ADAMTSL1: variants seen among roughly 807,000 people sequenced by gnomAD.
The protein encoded by ADAMTSL1 is ADAMTS-like protein 1.
In ADAMTSL1, 126 loss-of-function variants were observed where a neutral mutation model predicts 201.8. The observed-to-expected ratio is 0.62, with a 90% CI of 0.54 to 0.72. ADAMTSL1 has a LOEUF of 0.72. ADAMTSL1 is among the 30% of genes least tolerant of loss of function. The pLI is 0.00. For synonymous variants in ADAMTSL1, 1,121 were observed against 903.4 expected (o/e 1.24, Z -4.32); for missense variants, 2,679 against 2,277.8 (o/e 1.18, Z -3.59).
At position 18,753,344 on chromosome 9, in the gene ADAMTSL1, G is replaced by A. The variant is rs200719231; in HGVS notation, c.2053G>A (p.Gly685Ser). The change falls in exon 16 of 29, where the codon GGC becomes AGC. Residue 685 changes from glycine to serine, a missense_variant. Transcript: ENST00000380548. The stretch of plus-strand genomic sequence containing the variant: ...TCCATGTAGTCTCACATGTGGGGTC[G>A]GCCTACAGACCAGAGACGTCTTCTG... ...WSPCSLTCGV[G>S]LQTRDVFCSH... The A allele has an allele frequency of 5.7e-5, 92 of 1,612,384 alleles. 1 individual carries two copies. The East Asian group carries it at 1.6e-3, about 28-fold the overall frequency.
chr9:18,348,981 G>A (rs1386072616), intron 2 of ADAMTSL1, among the ~76,000 whole-genome samples: 3 of 152,090 alleles, frequency 2.0e-5, no homozygotes, highest in African/African-American at 4.8e-5. Flanking sequence ...TGACCATGAA[G>A]GCAAGTACTA....
At chr9:18,336,309 AT>A (rs763640009) in intron 2 of ADAMTSL1, among the ~76,000 whole-genome samples, 2,016 of 139,548 alleles carry the variant, frequency 0.014, 6 homozygotes, top group South Asian at 0.016. Context: ...ATGTAATTTC[AT>A]TTTTTTTTTT....
intron 2 of ADAMTSL1, among the ~76,000 whole-genome samples, chr9:18,309,355 A>G (rs905022364): frequency 6.6e-6 from 1 of 152,118 alleles, no homozygotes; most frequent in Non-Finnish European, 1.5e-5. Context: ...GGCAAGAGAA[A>G]GAAAGAAAGT....
Position 18,316,135 on chromosome 9 carries a change from G to A in ADAMTSL1, c.207+152154G>A, listed in dbSNP as rs1220475490. 4.6e-5 allele frequency among the ~76,000 whole-genome samples: 7 copies of A among 152,176 alleles called. No homozygotes were observed. The South Asian group carries it at 1.0e-3, about 23-fold the overall frequency. ...AAGGGGAGGGAATGTGCGAATAGGT[G>A]TGGGTCACAGACATCAAGTACTTTA... On this transcript the variant is annotated intron_variant, in intron 2 of 29. Transcript: ENST00000680146.
chr9:18,523,947 A>T (rs1408934778), intron 2 of ADAMTSL1, among the ~76,000 whole-genome samples: 3 of 139,440 alleles, frequency 2.2e-5, no homozygotes, highest in African/African-American at 8.1e-5. Flanking sequence ...TTCCATATGA[A>T]CTTTAAAGTA....
At position 18,775,820 on chromosome 9, in the gene ADAMTSL1, G is replaced by C. The variant is rs776455701; in HGVS notation, c.2475G>C (p.Thr825=). The change falls in exon 18 of 29, where the codon ACG becomes ACC. Residue 825 remains threonine (T), a synonymous_variant. Coordinates refer to ENST00000380548, the MANE Select transcript of ADAMTSL1 (RefSeq NM_001040272.6). ...AGATGCTGAAAACCGGCCTCTCAAC[G>C]GTTGTCAATTCCACCCTGTGCCCGC... ...CRKMLKTGLS[T]VVNSTLCPPL... The C allele has an allele frequency of 6.2e-7, 1 of 1,609,328 alleles. No individual in the cohort carries two copies. The highest frequency in any genetic ancestry group is 8.5e-7 in the Non-Finnish European group (1 of 1,177,716).
chr9:18,292,414 C>G (rs1282113195), intron 2 of ADAMTSL1, among the ~76,000 whole-genome samples: 1 of 152,040 alleles, frequency 6.6e-6, no homozygotes, highest in Admixed American at 6.6e-5. Flanking sequence ...GTGTTAGGGC[C>G]TGTGATGATT....
intron 1 of ADAMTSL1, among the ~76,000 whole-genome samples, chr9:17,952,002 T>G (rs952412080): frequency 6.6e-6 from 1 of 152,068 alleles, no homozygotes; most frequent in Admixed American, 6.6e-5. Flanking sequence ...GGTCTCACTG[T>G]ATTGCCCAGG....
chr9:17,972,449 T>G (rs1563926686), intron 1 of ADAMTSL1, among the ~76,000 whole-genome samples: 1 of 151,692 alleles, frequency 6.6e-6, no homozygotes, highest in Non-Finnish European at 1.5e-5. Context: ...TTGCTGAGAA[T>G]GATGGTTTCC....
chr9:18,872,514 A>G (rs1376550536), intron 23 of ADAMTSL1, among the ~76,000 whole-genome samples: 1 of 152,116 alleles, frequency 6.6e-6, no homozygotes, highest in Non-Finnish European at 1.5e-5. Context: ...GAGTACCCAG[A>G]GTCCATTGTA....
chr9:18,905,326 C>G (rs1325121054), intron 26 of ADAMTSL1, among the ~76,000 whole-genome samples: 1 of 152,152 alleles, frequency 6.6e-6, no homozygotes, highest in East Asian at 1.9e-4. Context: ...TAGGTTTAAC[C>G]TGCAGAAAAT....
chr9:18,868,460 T>A (rs1317051368), intron 23 of ADAMTSL1, among the ~76,000 whole-genome samples: 1 of 152,248 alleles, frequency 6.6e-6, no homozygotes, highest in East Asian at 1.9e-4. Flanking sequence ...ATTAGTTAAG[T>A]TATTCAAAGT....
chr9:18,850,527 C>G (rs1826426935), intron 23 of ADAMTSL1, among the ~76,000 whole-genome samples: 1 of 152,196 alleles, frequency 6.6e-6, no homozygotes, highest in African/African-American at 2.4e-5. Context: ...GAGGCAGACC[C>G]TACTGCCTTG....
intron 1 of ADAMTSL1, among the ~76,000 whole-genome samples, chr9:18,054,757 G>C (rs557989591): frequency 3.9e-5 from 6 of 152,276 alleles, no homozygotes; most frequent in Admixed American, 3.3e-4. Context: ...TTTTATCAAG[G>C]CTGTCTTTTT....
At chr9:18,407,108 T>C (rs1360722719) in intron 2 of ADAMTSL1, among the ~76,000 whole-genome samples, 1 of 152,174 alleles carries the variant, frequency 6.6e-6, no homozygotes, top group Non-Finnish European at 1.5e-5. Flanking sequence ...ATGGAGCCCA[T>C]ATTCAAGCAG....
chr9:18,725,840 T>C (rs1308255314), intron 15 of ADAMTSL1, among the ~76,000 whole-genome samples: 2 of 152,232 alleles, frequency 1.3e-5, no homozygotes. Flanking sequence ...GATATACAAA[T>C]AGATAAAGCT....
intron 1 of ADAMTSL1, among the ~76,000 whole-genome samples, chr9:17,950,987 GA>G (rs1334215675): frequency 6.6e-6 from 1 of 152,110 alleles, no homozygotes; most frequent in East Asian, 1.9e-4. Context: ...GCTGTCTAGA[GA>G]GGCCTCATAC....
At chr9:18,784,763 C>G (rs1821601613) in intron 19 of ADAMTSL1, among the ~76,000 whole-genome samples, 1 of 152,194 alleles carries the variant, frequency 6.6e-6, no homozygotes, top group Non-Finnish European at 1.5e-5. Context: ...TTCAGGTGTT[C>G]ATTTATCCTC....
intron 22 of ADAMTSL1, among the ~76,000 whole-genome samples, chr9:18,827,043 C>G (rs1369908726): frequency 6.6e-6 from 1 of 152,010 alleles, no homozygotes; most frequent in Non-Finnish European, 1.5e-5. Flanking sequence ...CATCCACCAT[C>G]TGATTATTGC....
Sources: gnomAD v4.1 joint callset for allele counts (sites outside exome capture counted in the v4.1 genomes callset) on GRCh38, gnomAD v4.1.1 for gene constraint, MANE v1.5 for transcripts, NCBI Gene and HGNC (gene_info 2026-07-23, HGNC 2026-07-21) for gene names.